BAG6: variants seen among roughly 807,000 people sequenced by gnomAD.
The protein encoded by BAG6 is large proline-rich protein BAG6.
In BAG6, 22 loss-of-function variants were observed where a neutral mutation model predicts 121.0. The ratio of observed to expected loss-of-function variants is 0.18; its 90% CI spans 0.13 to 0.26. The LOEUF (loss-of-function observed/expected upper bound fraction) is 0.26. Among genes scored for constraint, BAG6 ranks in the 10% least tolerant of loss-of-function variants. The pLI is 1.00. For synonymous variants in BAG6, 583 were observed against 584.6 expected, an observed-to-expected ratio of 1.00 and a Z score of 0.04; for missense variants, 1,233 against 1,537.7, an observed-to-expected ratio of 0.80 and a Z score of 3.31.
At chr6:31,649,434 C>G (rs773660874) in intron 3 of BAG6, 39 bp from the exon 4 acceptor site, 4 of 1,607,752 alleles carry the variant, frequency 2.5e-6, no homozygotes. Context: ...ATAGTATGAA[C>G]AGGTAAACCC....
intron 24 of BAG6, 38 bp from the exon 25 acceptor site, chr6:31,639,684 C>A: frequency 6.3e-7 from 1 of 1,578,228 alleles, no homozygotes; most frequent in Non-Finnish European, 8.6e-7. Flanking sequence ...AGAGGATCAA[C>A]GTCAGATCCA....
chr6:31,639,636 C>A lies in BAG6; in HGVS notation c.3257G>T (p.Gly1086Val). The change falls in exon 25 of 26, where the codon GGT (glycine) becomes GTT (valine). Residue 1086 changes from glycine (G) to valine (V), a missense_variant. By Grantham distance (109) the Gly-to-Val change is moderately radical. Around this residue, in one of 7 missense-constraint regions of BAG6, gnomAD observed 102 missense variants for 103.2 expected, o/e 0.99. Transcript: ENST00000676615. ...MPAKRRKTMQ[G>V]EGPQLLLSEA... ...TGAGAGAAGCAGCTGGGGGCCCTCA[C>A]CCTGCATCGTCTGGGGGACAGGGGG... The A allele has an allele frequency of 6.2e-7, 1 of 1,610,624 alleles. No individual in the cohort carries two copies. The highest frequency in any genetic ancestry group is 8.5e-7 in the Non-Finnish European group (1 of 1,177,840).
At chr6:31,652,010 G>A in intron 1 of BAG6, 1 of 473,726 alleles carries the variant, frequency 2.1e-6, no homozygotes, top group East Asian at 3.2e-5. Flanking sequence ...GCTCCACGAC[G>A]CCAATCACAA....
Position 31,642,974 on chromosome 6 carries a change from G to A in BAG6, c.1898C>T (p.Ala633Val), listed in dbSNP as rs748738906. Reference sequence around the variant, plus strand: ...CAGAAGCTGAGAGAACTGAAGATCAGCCATGGAGGGTTGAGGGGTGGGTGG... The same window carrying A: ...CAGAAGCTGAGAGAACTGAAGATCAACCATGGAGGGTTGAGGGGTGGGTGG... The part of the protein sequence containing the change: ...QPPPTPQPSM[A>V]DLQFSQLLGN... Residue 633 changes from alanine (A) to valine (V), a missense_variant, in exon 15 of 26, where the codon GCT becomes GTT. Coordinates refer to ENST00000676615, the MANE Select transcript of BAG6 (RefSeq NM_001387994.1). The A allele has an allele frequency of 1.2e-6, 2 of 1,601,460 alleles. No homozygotes were observed. Among genetic ancestry groups the A allele is most frequent in the East Asian group, 4.5e-5 (2 of 44,552 alleles).
rs1289552145 is a variant in BAG6, at chr6:31,642,810, T to C, written c.2043+19A>G. 1.9e-6 allele frequency: 3 copies of C among 1,607,136 alleles called. No individual in the cohort carries two copies. The highest frequency in any genetic ancestry group is 1.3e-5 in the African/African-American group (1 of 74,710). On this transcript the variant is annotated intron_variant, in intron 15 of 25. Coordinates refer to ENST00000676615, the MANE Select transcript of BAG6 (RefSeq NM_001387994.1). ...CCGGGGGACAGGAAGATGAGGTGAA[T>C]GGCAAGCCAGCCACTCACCTGCAAG...
chr6:31,642,702 C>T (rs3130047), intron 15 of BAG6, 127 bp downstream of exon 15: 191,996 of 1,125,776 alleles, frequency 0.17, 17,881 homozygotes, highest in African/African-American at 0.2. Flanking sequence ...AATGAATTCC[C>T]AGGGCCCCTT....
chr6:31,652,317 CCAAACACACACA>C (rs1381863031), intron 1 of BAG6, 95 bp downstream of exon 1: 1 of 88,732 alleles, frequency 1.1e-5, no homozygotes, highest in Non-Finnish European at 2.4e-5. Context: ...TAACCCACAG[CCAAACACACACA>C]CACACACACA....
chr6:31,642,472 C>G, intron 15 of BAG6, 69 bp from the exon 16 acceptor site: 1 of 748,976 alleles, frequency 1.3e-6, no homozygotes, highest in East Asian at 2.7e-5. Context: ...AATAATACGG[C>G]ATCAAGAGGG....
At position 31,640,163 on chromosome 6, in the gene BAG6, G is replaced by C. The variant is rs1357343480; in HGVS notation, c.3246+36C>G. The C allele has an allele frequency of 1.3e-6, 2 of 1,594,792 alleles. No individual in the cohort carries two copies. The highest frequency in any genetic ancestry group is 1.7e-6 in the Non-Finnish European group (2 of 1,163,754). Reference sequence around the variant, plus strand: ...ATTCCAGGCATGACGGGGAAACCTGGATAGAGAGAGAGGCTTAGGGAAGAG... The same window carrying C: ...ATTCCAGGCATGACGGGGAAACCTGCATAGAGAGAGAGGCTTAGGGAAGAG... On this transcript the variant is annotated intron_variant, in intron 24 of 25. Transcript: ENST00000676615. This position sits in a 1 kb window ranked among gnomAD's most constrained non-coding sequence, Gnocchi z 4.2.
At chr6:31,647,526 C>T in intron 7 of BAG6, 65 bp downstream of exon 7, 1 of 1,593,140 alleles carries the variant, frequency 6.3e-7, no homozygotes, top group Non-Finnish European at 8.5e-7. Flanking sequence ...TGCCATGGTT[C>T]ATTTCCTTCT....
Position 31,641,913 on chromosome 6 carries a change from G to C in BAG6, c.2368C>G (p.Gln790Glu). Residue 790 changes from glutamine to glutamate, a missense_variant, in exon 17 of 26, where the codon CAG (glutamine) becomes GAG (glutamate). Transcript: ENST00000676615. The surrounding 1 kb of genome is among the most constrained non-coding windows in gnomAD (Gnocchi z 5.7). Reference sequence around the variant, plus strand: ...ACTACGTCCACCATAGAGAAGTTCTGGCACAGAAGAGAAAGCAAGGCCCCA... The same window carrying C: ...ACTACGTCCACCATAGAGAAGTTCTCGCACAGAAGAGAAAGCAAGGCCCCA... The part of the protein sequence containing the change: ...FFGALLSLLC[Q>E]NFSMVDVVML... 1 of 1,612,964 alleles carries C rather than the reference G, an allele frequency of 6.2e-7. No individual in the cohort carries two copies. Among genetic ancestry groups the C allele is most frequent in the African/African-American group, 1.3e-5 (1 of 74,988 alleles).
rs894402935 is a variant in BAG6, at chr6:31,646,401, T to C, written c.911A>G (p.Asn304Ser). The change falls in exon 8 of 26, where the codon AAT becomes AGT. Residue 304 changes from asparagine (N) to serine (S), a missense_variant. Physicochemically the swap from Asn to Ser is conservative, Grantham distance 46. Coordinates refer to ENST00000676615, the MANE Select transcript of BAG6 (RefSeq NM_001387994.1). ...VLGAAATTDY[N>S]NNHEGREEDQ... ...GGCCATCAAAGGGCTCACATTGTTA[T>C]TGTAGTCCGTGGTGGCAGCAGCACC... is the stretch of plus-strand genomic sequence containing the variant. 5 of 1,612,796 alleles carry C rather than the reference T, an allele frequency of 3.1e-6. No homozygotes were observed. The African/African-American group carries it at 4.0e-5, about 13-fold the overall frequency.
Position 31,641,951 on chromosome 6 carries a change from G to A in BAG6, c.2336-6C>T, listed in dbSNP as rs771791897. The A allele has an allele frequency of 3.7e-6, 6 of 1,612,556 alleles. No individual in the cohort carries two copies. The highest frequency in any genetic ancestry group is 1.3e-5 in the African/African-American group (1 of 74,850). ...AAGCAAGGCCCCAAAGAATCCTGGG[G>A]GACAAGGGCAGATGTTAGCAATGGC... On this transcript the variant is annotated splice_region_variant and splice_polypyrimidine_tract_variant and intron_variant, in intron 16 of 25. Coordinates refer to ENST00000676615, the MANE Select transcript of BAG6 (RefSeq NM_001387994.1). The surrounding 1 kb of genome is among the most constrained non-coding windows in gnomAD (Gnocchi z 5.7).
At chr6:31,649,668 G>A (rs1418207245) in intron 2 of BAG6, 41 bp from the exon 3 acceptor site, 3 of 1,554,166 alleles carry the variant, frequency 1.9e-6, no homozygotes, top group South Asian at 1.1e-5. Flanking sequence ...AAGAATGGAG[G>A]AAAGAGGAAG....
rs374103275 is a variant in BAG6, at chr6:31,644,123, G to A, written c.1627C>T (p.Arg543Trp). ...VIARPTPPQA[R>W]PSHPGGPPVS... ...GGGGGCCCTCCAGGATGGGAAGGCCGAGCCTGTGGAGGAGTGGGCCGGGCA... is the reference window on the plus strand; with the variant it reads ...GGGGGCCCTCCAGGATGGGAAGGCCAAGCCTGTGGAGGAGTGGGCCGGGCA... The change falls in exon 13 of 26, where the codon CGG (arginine) becomes TGG (tryptophan). Residue 543 changes from arginine to tryptophan, a missense_variant. This residue lies in a region of BAG6 where 777 missense variants were observed against 861.4 expected (regional missense o/e 0.90). Coordinates refer to ENST00000676615, the MANE Select transcript of BAG6 (RefSeq NM_001387994.1). The surrounding 1 kb of genome is among the most constrained non-coding windows in gnomAD (Gnocchi z 4.9). 30 of 1,613,908 alleles carry A rather than the reference G, an allele frequency of 1.9e-5. No individual in the cohort carries two copies. In the African/African-American group the frequency reaches 2.9e-4, roughly 16 times the overall value.
chr6:31,639,465 C>T, intron 25 of BAG6, 35 bp downstream of exon 25: 1 of 1,597,878 alleles, frequency 6.3e-7, no homozygotes, highest in Non-Finnish European at 8.6e-7. Context: ...CAACCCCTCC[C>T]ACTAGACCAT....
Position 31,641,639 on chromosome 6 carries a change from A to G in BAG6, c.2506-47T>C, listed in dbSNP as rs747127503. 209 of 1,613,620 alleles carry G rather than the reference A, an allele frequency of 1.3e-4. 2 individuals are homozygous for G. The Admixed American group carries it at 3.4e-3, about 26-fold the overall frequency. On this transcript the variant is annotated intron_variant, in intron 17 of 25. Coordinates refer to ENST00000676615, the MANE Select transcript of BAG6 (RefSeq NM_001387994.1). This position sits in a 1 kb window ranked among gnomAD's most constrained non-coding sequence, Gnocchi z 5.7. Reference sequence around the variant, plus strand: ...TTTAGTTCAAAGCCTCAGTCCTCCCAAGACTTCCACCTCGACCCCAACAAG... The same window carrying G: ...TTTAGTTCAAAGCCTCAGTCCTCCCGAGACTTCCACCTCGACCCCAACAAG...
In BAG6 at chr6:31,649,534, C is replaced by T. The variant is rs773936801; in HGVS notation, c.202G>A (p.Asp68Asn). 6.2e-7 allele frequency: 1 copy of T among 1,614,212 alleles called. No homozygotes were observed. Among genetic ancestry groups the T allele is most frequent in the Non-Finnish European group, 8.5e-7 (1 of 1,180,042 alleles). Residue 68 changes from aspartate (D) to asparagine (N), a missense_variant, in exon 3 of 26, where the codon GAT becomes AAT. By Grantham distance (23) the Asp-to-Asn change is conservative (BLOSUM62 1). This residue lies in a region of BAG6 where 6 missense variants were observed against 24.8 expected (regional missense o/e 0.24). Coordinates refer to ENST00000676615, the MANE Select transcript of BAG6 (RefSeq NM_001387994.1). ...CTGTATTCCTGAAGCTTCTTATCATCTTGCAGAACTCGTCCCTGGTAAATG... is the reference window on the plus strand; with the variant it reads ...CTGTATTCCTGAAGCTTCTTATCATTTTGCAGAACTCGTCCCTGGTAAATG... Reference protein sequence around the residue: ...RLIYQGRVLQDDKKLQEYNVG... With the variant: ...RLIYQGRVLQNDKKLQEYNVG...
intron 6 of BAG6, among the ~76,000 whole-genome samples, chr6:31,648,034 G>A (rs1469759918): frequency 1.1e-5 from 1 of 88,680 alleles, no homozygotes; most frequent in African/African-American, 4.5e-5. Context: ...TTTTTTTTTT[G>A]AGACAGAGTC....
Sources: allele counts gnomAD v4.1 joint callset (sites outside exome capture counted in the v4.1 genomes callset), GRCh38; gene constraint gnomAD v4.1.1; regional missense constraint gnomAD v4.1.1; non-coding constraint Gnocchi (gnomAD v3.1); transcripts MANE v1.5; gene names NCBI Gene and HGNC (gene_info 2026-07-23, HGNC 2026-07-21).